The following NSL1 variants were observed in gnomAD, a reference collection of about 807,000 sequenced individuals.
NSL1 encodes kinetochore-associated protein NSL1 homolog.
Under a neutral mutation model 25.4 loss-of-function variants are expected in NSL1, and 11 were observed. That is an observed-to-expected ratio of 0.43 (90% confidence interval 0.27 to 0.72). The LOEUF (loss-of-function observed/expected upper bound fraction) is 0.72. Ranked by LOEUF, NSL1 falls within the 30% of genes least tolerant of loss-of-function variation. The pLI, the probability that NSL1 is intolerant of heterozygous loss-of-function variation, is 0.19. For missense variants in NSL1, 330 were observed against 342.7 expected (o/e 0.96, Z 0.29); for synonymous variants, 118 against 120.6 (o/e 0.98, Z 0.14).
chr1:212,730,194 G>A lies in NSL1; in HGVS notation c.*8214C>T. 4 of 942,738 alleles carry A rather than the reference G, an allele frequency of 4.2e-6. No individual in the cohort carries two copies. The highest frequency in any genetic ancestry group is 5.0e-6 in the Non-Finnish European group (4 of 807,084). 58.4% of individuals were successfully genotyped at this position (942,738 alleles called of 1,614,324 possible). A position where few individuals can be genotyped will look rare whatever the true frequency, so the allele number is the denominator to read the frequency against. ...GAACCTGGGAGGTGGAGGTTGCAGT[G>A]AGTTGAGATCGCTCCACTACACTCC... On this transcript the variant is annotated 3_prime_UTR_variant, in exon 6 of 6. Coordinates refer to ENST00000366977, the MANE Select transcript of NSL1 (RefSeq NM_015471.4).
In NSL1 at chr1:212,728,351, G is replaced by C; in HGVS notation, c.*10057C>G. 2 of 985,362 alleles carry C rather than the reference G, an allele frequency of 2.0e-6. No homozygotes were observed. The highest frequency in any genetic ancestry group is 2.4e-6 in the Non-Finnish European group (2 of 829,874). 61.0% of individuals were successfully genotyped at this position (985,362 alleles called of 1,614,324 possible). A position where few individuals can be genotyped will look rare whatever the true frequency, so the allele number is the denominator to read the frequency against. On this transcript the variant is annotated 3_prime_UTR_variant, in exon 6 of 6. Transcript: ENST00000366977. ...TATATGCCTGTTTTAAAAATATGCT[G>C]CTTTAAACAGTTCTACAATTCACGC... is the stretch of plus-strand genomic sequence containing the variant.
intron 4 of NSL1, among the ~76,000 whole-genome samples, chr1:212,769,446 G>A (rs944969783): frequency 9.2e-5 from 14 of 152,046 alleles, no homozygotes; most frequent in African/African-American, 3.1e-4. Flanking sequence ...CAGGCCAGGA[G>A]AGAATGCAAT....
intron 4 of NSL1, among the ~76,000 whole-genome samples, chr1:212,757,074 A>G (rs1024275709): frequency 3.9e-5 from 6 of 152,252 alleles, no homozygotes; most frequent in Non-Finnish European, 4.4e-5. Context: ...GAAGTGCAAG[A>G]GTCAGGCAGG....
chr1:212,732,650 T>C lies in NSL1; in HGVS notation c.*5758A>G. ...GTCTCCAAATCTGCTGATTAGTTAGTAGCCTGTAGACTCGAGTGTGCTGTG... is the reference window on the plus strand; with the variant it reads ...GTCTCCAAATCTGCTGATTAGTTAGCAGCCTGTAGACTCGAGTGTGCTGTG... On this transcript the variant is annotated 3_prime_UTR_variant, in exon 6 of 6. Coordinates refer to ENST00000366977, the MANE Select transcript of NSL1 (RefSeq NM_015471.4). 5 of 985,372 alleles carry C rather than the reference T, an allele frequency of 5.1e-6. No homozygotes were observed. The highest frequency in any genetic ancestry group is 4.7e-5 in the South Asian group (1 of 21,284). The allele number at this position is 985,372 out of a possible 1,614,324, so 61.0% of individuals were successfully genotyped here.
At chr1:212,778,739 C>T (rs1214831487) in intron 4 of NSL1, among the ~76,000 whole-genome samples, 40 of 152,122 alleles carry the variant, frequency 2.6e-4, no homozygotes, top group Middle Eastern at 3.4e-3. Flanking sequence ...GGCGTGATCT[C>T]GGCTCGCTAC....
In NSL1 at chr1:212,791,632, C is replaced by T. The variant is rs1661282660; in HGVS notation, c.132G>A (p.Arg44=). The part of the protein sequence containing the change: ...EDFRVRCTSK[R]AVTEMLQLCG... ...ACAGTTGTAGCATTTCGGTCACAGC[C>T]CGCTTCGAGGTGCAGCGCACCCGAA... The change falls in exon 1 of 6, where the codon CGG becomes CGA. Residue 44 remains arginine (R), a synonymous_variant. Coordinates refer to ENST00000366977, the MANE Select transcript of NSL1 (RefSeq NM_015471.4). The T allele has an allele frequency of 1.2e-6, 2 of 1,613,780 alleles. No individual in the cohort carries two copies. The highest frequency in any genetic ancestry group is 1.3e-5 in the African/African-American group (1 of 74,880).
chr1:212,757,751 C>G (rs1180646821), intron 4 of NSL1, among the ~76,000 whole-genome samples: 1 of 152,200 alleles, frequency 6.6e-6, no homozygotes, highest in Non-Finnish European at 1.5e-5. Context: ...ACACCTTGCA[C>G]TAGGTCCATC....
intron 4 of NSL1, among the ~76,000 whole-genome samples, chr1:212,781,544 C>T (rs139777035): frequency 6.6e-6 from 1 of 152,114 alleles, no homozygotes; most frequent in Non-Finnish European, 1.5e-5. Flanking sequence ...TACTTCCCCC[C>T]CTCTCAGTTT....
In NSL1 at chr1:212,733,382, A is replaced by G. The variant is rs1440406508; in HGVS notation, c.*5026T>C. Among the ~76,000 whole-genome samples, 1 of 151,506 alleles carries G rather than the reference A, an allele frequency of 6.6e-6. No homozygotes were observed. Among genetic ancestry groups the G allele is most frequent in the Non-Finnish European group, 1.5e-5 (1 of 67,930 alleles). ...CGGGGGCAGAGGTTGCAGTAAGCCA[A>G]GATAGCACCACTGTACTCCAGCTTG... On this transcript the variant is annotated 3_prime_UTR_variant, in exon 6 of 6. Coordinates refer to ENST00000366977, the MANE Select transcript of NSL1 (RefSeq NM_015471.4).
At position 212,740,364 on chromosome 1, in the gene NSL1, C is replaced by G. The variant is rs73081820; in HGVS notation, c.500-763G>C. On this transcript the variant is annotated intron_variant, in intron 4 of 5. Transcript: ENST00000366977. Reference sequence around the variant, plus strand: ...CTTTTCTGACTTGTCTTAGGTTCATCTTTAAAAAGTGAGAACACATTTAGA... The same window carrying G: ...CTTTTCTGACTTGTCTTAGGTTCATGTTTAAAAAGTGAGAACACATTTAGA... Among the ~76,000 whole-genome samples the G allele has an allele frequency of 5.2e-3, 785 of 152,194 alleles. 4 individuals are homozygous for G. The highest frequency in any genetic ancestry group is 0.018 in the African/African-American group (748 of 41,526).
Position 212,791,552 on chromosome 1 carries a change from G to A in NSL1, c.212C>T (p.Pro71Leu), listed in dbSNP as rs1661270870. The A allele has an allele frequency of 1.2e-6, 2 of 1,613,604 alleles. No individual in the cohort carries two copies. The highest frequency in any genetic ancestry group is 1.3e-5 in the African/African-American group (1 of 74,924). Residue 71 changes from proline to leucine, a missense_variant, in exon 1 of 6, where the codon CCC (proline) becomes CTC (leucine). Pro to Leu is a moderately conservative substitution (Grantham distance 98). Coordinates refer to ENST00000366977, the MANE Select transcript of NSL1 (RefSeq NM_015471.4). ...GDALPEEIRE[P>L]ALRDAQWTFE... is the part of the protein sequence containing the mutation. ...TACCCACTGCGCATCTCGCAGAGCG[G>A]GCTCCCGAATCTCCTCCGGCAGAGC...
In NSL1 at chr1:212,731,366, G is replaced by C; in HGVS notation, c.*7042C>G. On this transcript the variant is annotated 3_prime_UTR_variant, in exon 6 of 6. Coordinates refer to ENST00000366977, the MANE Select transcript of NSL1 (RefSeq NM_015471.4). Reference sequence around the variant, plus strand: ...AGCCCAGGAATTCAAGACCAGCCGGGGCAATATGGCGAGACCCCATCTCTA... The same window carrying C: ...AGCCCAGGAATTCAAGACCAGCCGGCGCAATATGGCGAGACCCCATCTCTA... 1 of 981,056 alleles carries C rather than the reference G, an allele frequency of 1.0e-6. No homozygotes were observed. The allele number at this position is 981,056 out of a possible 1,614,324, so 60.8% of individuals were successfully genotyped here.
At chr1:212,744,413 A>T (rs1270052508) in intron 4 of NSL1, among the ~76,000 whole-genome samples, 1 of 152,218 alleles carries the variant, frequency 6.6e-6, no homozygotes, top group Non-Finnish European at 1.5e-5. Context: ...GAAGAATCTC[A>T]TTTCTAGAGT....
rs1040238975 is a variant in NSL1, at chr1:212,736,649, G to A, written c.*1759C>T. On this transcript the variant is annotated 3_prime_UTR_variant, in exon 6 of 6. Transcript: ENST00000366977. ...GGAGTAAAACTTTGGGCTCTCAAGAGGATTTCAAATCTCAGCTGTCTGCCT... is the reference window on the plus strand; with the variant it reads ...GGAGTAAAACTTTGGGCTCTCAAGAAGATTTCAAATCTCAGCTGTCTGCCT... The A allele has an allele frequency of 3.0e-6, 3 of 984,980 alleles. No individual in the cohort carries two copies. The African/African-American group carries it at 5.2e-5, about 17-fold the overall frequency. The allele number at this position is 984,980 out of a possible 1,614,324, so 61.0% of individuals were successfully genotyped here. A position where few individuals can be genotyped will look rare whatever the true frequency, so the allele number is the denominator to read the frequency against.
rs1474692940 is a variant in NSL1, at chr1:212,778,643, T to C, written c.499+3729A>G. On this transcript the variant is annotated intron_variant, in intron 4 of 5. Coordinates refer to ENST00000366977, the MANE Select transcript of NSL1 (RefSeq NM_015471.4). ...CTCCAGCTCCTAACCGCGAGTGATCTGCCAGCCTCGGCCTCCCGAGGTGCC... is the reference window on the plus strand; with the variant it reads ...CTCCAGCTCCTAACCGCGAGTGATCCGCCAGCCTCGGCCTCCCGAGGTGCC... Among the ~76,000 whole-genome samples the C allele has an allele frequency of 6.0e-5, 9 of 151,254 alleles. No homozygotes were observed. In the South Asian group the frequency reaches 1.0e-3, roughly 18 times the overall value.
intron 4 of NSL1, among the ~76,000 whole-genome samples, chr1:212,777,588 C>G (rs889930746): frequency 1.5e-4 from 23 of 152,022 alleles, no homozygotes; most frequent in African/African-American, 5.6e-4. Context: ...AAACTTAAAT[C>G]CCATACATTG....
intron 4 of NSL1, among the ~76,000 whole-genome samples, chr1:212,767,745 C>T (rs1659888512): frequency 6.6e-6 from 1 of 152,056 alleles, no homozygotes; most frequent in Non-Finnish European, 1.5e-5. Context: ...ATAGTCCCAT[C>T]AAAAAGTGGG....
intron 4 of NSL1, among the ~76,000 whole-genome samples, chr1:212,780,226 A>G (rs1481620990): frequency 6.6e-6 from 1 of 151,988 alleles, no homozygotes; most frequent in East Asian, 1.9e-4. Flanking sequence ...GCTCTCTGAA[A>G]CATGTGCTGT....
chr1:212,765,050 C>G (rs1323881154), intron 4 of NSL1, among the ~76,000 whole-genome samples: 1 of 151,608 alleles, frequency 6.6e-6, no homozygotes, highest in Non-Finnish European at 1.5e-5. Flanking sequence ...AATAGAAACC[C>G]TGAACAGACC....
Sources: gnomAD v4.1 joint callset for allele counts (sites outside exome capture counted in the v4.1 genomes callset) on GRCh38, gnomAD v4.1.1 for gene constraint, MANE v1.5 for transcripts, NCBI Gene and HGNC (gene_info 2026-07-23, HGNC 2026-07-21) for gene names.